TLN2: variants seen among roughly 807,000 people sequenced by gnomAD.
The protein encoded by TLN2 is talin 2, also known as talin-2.
Under a neutral mutation model 294.7 loss-of-function variants are expected in TLN2, and 118 were observed. That is an observed-to-expected ratio of 0.40 (90% confidence interval 0.34 to 0.47). The LOEUF is 0.47. TLN2 is among the 20% of genes least tolerant of loss of function. TLN2 has a pLI of 0.84. For missense variants in TLN2, 3,083 were observed against 3,282.2 expected, an observed-to-expected ratio of 0.94 and a Z score of 1.48; for synonymous variants, 1,431 against 1,304.5, an observed-to-expected ratio of 1.10 and a Z score of -2.09.
chr15:62,812,952 C>G (rs2066807871), intron 52 of TLN2, among the ~76,000 whole-genome samples: 1 of 152,150 alleles, frequency 6.6e-6, no homozygotes, highest in South Asian at 2.1e-4. Context: ...TCAACATCAG[C>G]CCTGATGGTA....
At position 62,799,921 on chromosome 15, in the gene TLN2, T is replaced by C. The variant is rs141760705; in HGVS notation, c.6235-447T>C. 2.6e-4 allele frequency among the ~76,000 whole-genome samples: 40 copies of C among 151,964 alleles called. No individual in the cohort carries two copies. The East Asian group carries it at 7.5e-3, about 29-fold the overall frequency. On this transcript the variant is annotated intron_variant, in intron 48 of 58. Transcript: ENST00000636159. ...CCATGGAGAAGAAGACAGGCTGACCTGTGTGCCTGTAGCAGAGCACCTCAT... is the reference window on the plus strand; with the variant it reads ...CCATGGAGAAGAAGACAGGCTGACCCGTGTGCCTGTAGCAGAGCACCTCAT...
intron 7 of TLN2, among the ~76,000 whole-genome samples, chr15:62,654,623 C>T (rs947772913): frequency 2.0e-5 from 3 of 151,636 alleles, no homozygotes; most frequent in Non-Finnish European, 1.5e-5. Context: ...GGTGTGGTGG[C>T]GCATGCCTGT....
chr15:62,434,798 A>G (rs1171105443), intron 1 of TLN2, among the ~76,000 whole-genome samples: 1 of 152,218 alleles, frequency 6.6e-6, no homozygotes, highest in Non-Finnish European at 1.5e-5. Flanking sequence ...TCAGGGGAAC[A>G]TGTGCAGGAT....
chr15:62,423,352 T>TA, intron 1 of TLN2, among the ~76,000 whole-genome samples: 1 of 152,224 alleles, frequency 6.6e-6, no homozygotes, highest in Admixed American at 6.5e-5. Flanking sequence ...GCCCAGGTGA[T>TA]AGAGTGAGAC....
chr15:62,538,649 T>G (rs2041499159), intron 1 of TLN2, among the ~76,000 whole-genome samples: 1 of 152,202 alleles, frequency 6.6e-6, no homozygotes, highest in African/African-American at 2.4e-5. Flanking sequence ...CTACAGGATT[T>G]AATGTGCAGT....
At chr15:62,624,500 T>C (rs1297018138) in intron 3 of TLN2, among the ~76,000 whole-genome samples, 2 of 152,224 alleles carry the variant, frequency 1.3e-5, no homozygotes, top group African/African-American at 4.8e-5. Context: ...CAGCTTTGTT[T>C]CAGAAGCTTC....
chr15:62,511,696 A>G (rs900826848), intron 1 of TLN2, among the ~76,000 whole-genome samples: 1 of 150,736 alleles, frequency 6.6e-6, no homozygotes, highest in Non-Finnish European at 1.5e-5. Flanking sequence ...CTGAATTTTG[A>G]GGATTGACCC....
intron 1 of TLN2, among the ~76,000 whole-genome samples, chr15:62,559,387 A>G (rs1382509058): frequency 6.6e-6 from 1 of 152,146 alleles, no homozygotes; most frequent in Non-Finnish European, 1.5e-5. Context: ...TGGTGGGATT[A>G]TCAATGTTGT....
At chr15:62,640,966 T>C (rs969038577) in intron 3 of TLN2, among the ~76,000 whole-genome samples, 1 of 152,016 alleles carries the variant, frequency 6.6e-6, no homozygotes. Context: ...CATGCTCGGC[T>C]AATTTTTGTA....
intron 42 of TLN2, among the ~76,000 whole-genome samples, chr15:62,772,438 C>G (rs8029642): frequency 0.98 from 149,559 of 152,206 alleles, 73,526 homozygotes; most frequent in Middle Eastern, 1. Flanking sequence ...AAAGAATACT[C>G]TTTTGACTGC....
intron 1 of TLN2, among the ~76,000 whole-genome samples, chr15:62,426,082 C>T (rs1344590995): frequency 6.6e-6 from 1 of 152,104 alleles, no homozygotes; most frequent in Non-Finnish European, 1.5e-5. Context: ...TAAGGTATGG[C>T]CCAGCCGTAT....
chr15:62,656,232 G>A (rs1390433395), intron 8 of TLN2, 146 bp downstream of exon 8: 2 of 1,008,324 alleles, frequency 2.0e-6, no homozygotes, highest in Admixed American at 5.3e-5. Context: ...GTCCCCGCAT[G>A]TGTTTGGTTG....
chr15:62,538,279 A>T (rs1267246633), intron 1 of TLN2, among the ~76,000 whole-genome samples: 1 of 152,066 alleles, frequency 6.6e-6, no homozygotes, highest in East Asian at 1.9e-4. Flanking sequence ...CCAATCTAAT[A>T]TCCTCTCCAT....
In TLN2 at chr15:62,738,198, C is replaced by A. The variant is rs767909864; in HGVS notation, c.3568-16C>A. ...TGTTTGTACTTAAAGGTGCTTCTCTCTCTCCACGAATTCAGGTGGCTAAAG... is the reference window on the plus strand; with the variant it reads ...TGTTTGTACTTAAAGGTGCTTCTCTATCTCCACGAATTCAGGTGGCTAAAG... On this transcript the variant is annotated splice_polypyrimidine_tract_variant and intron_variant, in intron 29 of 58. Transcript: ENST00000636159. 7.5e-5 allele frequency: 121 copies of A among 1,612,774 alleles called. No homozygotes were observed. Among genetic ancestry groups the A allele is most frequent in the Middle Eastern group, 1.6e-4 (1 of 6,082 alleles).
chr15:62,458,591 C>G lies in TLN2; in HGVS notation c.-238+67906C>G, dbSNP rs191926360. On this transcript the variant is annotated intron_variant, in intron 1 of 58. Transcript: ENST00000636159. Reference sequence around the variant, plus strand: ...GGGCAGCCTGGGGAACATGGCAAAACCTCGTCTCTACAGAAAAAAAAAAAA... The same window carrying G: ...GGGCAGCCTGGGGAACATGGCAAAAGCTCGTCTCTACAGAAAAAAAAAAAA... 2.1e-3 allele frequency among the ~76,000 whole-genome samples: 236 copies of G among 109,948 alleles called. 1 individual carries two copies. The highest frequency in any genetic ancestry group is 7.5e-3 in the African/African-American group (226 of 29,970). 72.1% of individuals were successfully genotyped at this position (109,948 alleles called of 152,430 possible).
intron 1 of TLN2, among the ~76,000 whole-genome samples, chr15:62,490,867 C>A (rs187399950): frequency 6.6e-6 from 1 of 152,072 alleles, no homozygotes. Flanking sequence ...ACACTGAACC[C>A]CCCAAATCTG....
At chr15:62,824,731 T>C (rs1391085807) in intron 54 of TLN2, among the ~76,000 whole-genome samples, 1 of 152,212 alleles carries the variant, frequency 6.6e-6, no homozygotes, top group Non-Finnish European at 1.5e-5. Flanking sequence ...GCAGGAAGTT[T>C]GGGATTATGA....
At chr15:62,563,379 C>T (rs907227055) in intron 1 of TLN2, among the ~76,000 whole-genome samples, 8 of 152,170 alleles carry the variant, frequency 5.3e-5, no homozygotes, top group African/African-American at 1.4e-4. Flanking sequence ...TTTTGTTGGC[C>T]GTTTGTATAC....
At chr15:62,576,670 G>GC (rs1217678879) in intron 1 of TLN2, among the ~76,000 whole-genome samples, 2,420 of 116,274 alleles carry the variant, frequency 0.021, 58 homozygotes, top group Admixed American at 0.048. Flanking sequence ...TCCCCCCCCC[G>GC]CCCCCCACAT....
Sources: gnomAD v4.1 joint callset for allele counts (sites outside exome capture counted in the v4.1 genomes callset) on GRCh38, gnomAD v4.1.1 for gene constraint, MANE v1.5 for transcripts, NCBI Gene and HGNC (gene_info 2026-07-23, HGNC 2026-07-21) for gene names.